The following MAGI3 variants were observed in gnomAD, a reference collection of about 807,000 sequenced individuals.
MAGI3 encodes the protein membrane-associated guanylate kinase, WW and PDZ domain-containing protein 3.
Under a neutral mutation model 121.8 loss-of-function variants are expected in MAGI3, and 43 were observed. The observed-to-expected ratio is 0.35, with a 90% CI of 0.28 to 0.46. The LOEUF (loss-of-function observed/expected upper bound fraction) is 0.46, where lower values mean the gene tolerates loss of function less well. Ranked by LOEUF, MAGI3 falls within the 20% of genes least tolerant of loss-of-function variation. The pLI, the probability that MAGI3 is intolerant of heterozygous loss-of-function variation, is 1.00. For synonymous variants in MAGI3, 553 were observed against 639.3 expected (o/e 0.86, Z 2.04); for missense variants, 1,547 against 1,797.3 (o/e 0.86, Z 2.52).
chr1:113,455,757 T>G (rs183627744), intron 1 of MAGI3, among the ~76,000 whole-genome samples: 4 of 152,310 alleles, frequency 2.6e-5, no homozygotes, highest in Non-Finnish European at 5.9e-5. Flanking sequence ...ATACTTTGTT[T>G]TCATACTTAA....
At chr1:113,641,117 TGA>T (rs1254539391) in intron 9 of MAGI3, among the ~76,000 whole-genome samples, 5 of 87,748 alleles carry the variant, frequency 5.7e-5, no homozygotes, top group Admixed American at 2.7e-4. Flanking sequence ...TAAATATATA[TGA>T]GATATATATT....
chr1:113,462,029 A>G (rs1655061248), intron 1 of MAGI3, among the ~76,000 whole-genome samples: 1 of 152,162 alleles, frequency 6.6e-6, no homozygotes, highest in Admixed American at 6.5e-5. Flanking sequence ...ACCATCTCAT[A>G]CCAGTCAGAA....
At chr1:113,484,933 C>T (rs939635172) in intron 1 of MAGI3, among the ~76,000 whole-genome samples, 2 of 151,510 alleles carry the variant, frequency 1.3e-5, no homozygotes, top group Non-Finnish European at 2.9e-5. Context: ...GGGGTTTCAC[C>T]ATGTTGGCCA....
At chr1:113,517,532 A>G (rs540517973) in intron 1 of MAGI3, among the ~76,000 whole-genome samples, 6 of 152,166 alleles carry the variant, frequency 3.9e-5, no homozygotes, top group African/African-American at 9.6e-5. Context: ...TGCAAAGTAC[A>G]TATTTACTTA....
intron 1 of MAGI3, among the ~76,000 whole-genome samples, chr1:113,487,543 T>A (rs986445301): frequency 3.3e-5 from 5 of 152,130 alleles, no homozygotes; most frequent in African/African-American, 1.2e-4. Context: ...GGCATAAATG[T>A]ATTAATAAGC....
intron 4 of MAGI3, among the ~76,000 whole-genome samples, chr1:113,587,151 T>C (rs767777141): frequency 2.0e-4 from 30 of 152,120 alleles, no homozygotes; most frequent in Non-Finnish European, 4.0e-4. Context: ...CTAATCAAAG[T>C]TGGGGAAATA....
At chr1:113,600,345 C>G (rs1649289688) in intron 6 of MAGI3, among the ~76,000 whole-genome samples, 1 of 151,954 alleles carries the variant, frequency 6.6e-6, no homozygotes, top group Non-Finnish European at 1.5e-5. Flanking sequence ...CCCAAAATCT[C>G]CTTAAGCTGA....
intron 1 of MAGI3, among the ~76,000 whole-genome samples, chr1:113,539,122 T>A (rs1220175100): frequency 6.6e-6 from 1 of 152,142 alleles, no homozygotes; most frequent in Non-Finnish European, 1.5e-5. Flanking sequence ...AGGCCGGATG[T>A]GGTGGCTCAC....
chr1:113,470,987 A>T (rs1399300664), intron 1 of MAGI3, among the ~76,000 whole-genome samples: 1 of 152,160 alleles, frequency 6.6e-6, no homozygotes, highest in Non-Finnish European at 1.5e-5. Flanking sequence ...CAAAAAACTC[A>T]TTGCCCAGAC....
At chr1:113,524,397 A>C (rs533829374) in intron 1 of MAGI3, among the ~76,000 whole-genome samples, 51 of 152,194 alleles carry the variant, frequency 3.4e-4, no homozygotes, top group Non-Finnish European at 5.7e-4. Context: ...GCCCATGAAA[A>C]CAGCCAGGAA....
chr1:113,683,194 T>C lies in MAGI3; in HGVS notation c.3626T>C (p.Leu1209Ser). 1 of 1,613,766 alleles carries C rather than the reference T, an allele frequency of 6.2e-7. No homozygotes were observed. Among genetic ancestry groups the C allele is most frequent in the Non-Finnish European group, 8.5e-7 (1 of 1,179,856 alleles). ...GGGCACAGTAACAAGAAAAATCTAT[T>C]AAAAGTAGAAAATGGTGTTACACGA... is the stretch of plus-strand genomic sequence containing the variant. ...SHGHSNKKNLLKVENGVTRRG... is the reference protein window; with the variant it reads ...SHGHSNKKNLSKVENGVTRRG... Residue 1209 changes from leucine to serine, a missense_variant, in exon 21 of 21, where the codon TTA (leucine) becomes TCA (serine). Transcript: ENST00000307546.
intron 9 of MAGI3, among the ~76,000 whole-genome samples, chr1:113,623,549 G>A (rs1351170969): frequency 6.0e-5 from 9 of 150,506 alleles, no homozygotes; most frequent in Admixed American, 6.0e-4. Flanking sequence ...GTGCAGTGGC[G>A]CGATCTCGGC....
In MAGI3 at chr1:113,685,456, G is replaced by C. The variant is rs1248921477; in HGVS notation, c.*1442G>C. 6.6e-6 allele frequency: 1 copy of C among 152,356 alleles called. No homozygotes were observed. The highest frequency in any genetic ancestry group is 1.5e-5 in the Non-Finnish European group (1 of 68,054). The allele number at this position is 152,356 out of a possible 1,614,324, so 9.4% of individuals were successfully genotyped here. ...GGTCCTTCCCTCTGGGAGTCTGACT[G>C]TGAAACTCTTTAACCCAACAACTCA... On this transcript the variant is annotated 3_prime_UTR_variant, in exon 21 of 21. Transcript: ENST00000307546.
At chr1:113,568,486 G>C (rs573817508) in intron 2 of MAGI3, among the ~76,000 whole-genome samples, 23 of 152,108 alleles carry the variant, frequency 1.5e-4, no homozygotes, top group Middle Eastern at 6.8e-3. Context: ...CTGTTTATCT[G>C]ATTCTAGAAT....
chr1:113,594,451 C>G (rs1000761906), intron 5 of MAGI3, 30 bp from the exon 6 acceptor site: 1 of 1,536,108 alleles, frequency 6.5e-7, no homozygotes. Flanking sequence ...CTTTATTTTA[C>G]TGTTTCTAAT....
chr1:113,439,871 T>G (rs1034301205), intron 1 of MAGI3, among the ~76,000 whole-genome samples: 1 of 151,998 alleles, frequency 6.6e-6, no homozygotes, highest in Non-Finnish European at 1.5e-5. Context: ...TATTAAATAC[T>G]AGAGCCAGGA....
At position 113,683,534 on chromosome 1, in the gene MAGI3, T is replaced by A; in HGVS notation, c.3966T>A (p.Ser1322Arg). The A allele has an allele frequency of 6.2e-7, 1 of 1,613,862 alleles. No homozygotes were observed. Among genetic ancestry groups the A allele is most frequent in the Non-Finnish European group, 8.5e-7 (1 of 1,179,882 alleles). Residue 1322 changes from serine to arginine, a missense_variant, in exon 21 of 21, where the codon AGT becomes AGA. By Grantham distance (110) the Ser-to-Arg change is moderately radical. Coordinates refer to ENST00000307546, the MANE Select transcript of MAGI3 (RefSeq NM_001142782.2). ...GAAGAATAGCAGGCTATACGGGCAG[T>A]AATGCTGAGCAGATCCCAGATGGGA... Reference protein sequence around the residue: ...KSRRIAGYTGSNAEQIPDGKE... With the variant: ...KSRRIAGYTGRNAEQIPDGKE...
Position 113,542,161 on chromosome 1 carries a change from G to A in MAGI3, c.317-7354G>A, listed in dbSNP as rs1456043168. 2.6e-5 allele frequency among the ~76,000 whole-genome samples: 4 copies of A among 152,104 alleles called. No homozygotes were observed. The East Asian group carries it at 5.8e-4, about 22-fold the overall frequency. On this transcript the variant is annotated intron_variant, in intron 1 of 20. Coordinates refer to ENST00000307546, the MANE Select transcript of MAGI3 (RefSeq NM_001142782.2). ...GTCCCAAGACCCCCCAGTGGATGCC[G>A]GAAACCATGGATTGTACCAGATCCT...
intron 2 of MAGI3, among the ~76,000 whole-genome samples, chr1:113,550,786 A>G (rs192862291): frequency 2.0e-5 from 3 of 150,804 alleles, no homozygotes. Context: ...AACGAAAAAA[A>G]ATATATATAT....
Sources: gnomAD v4.1 joint callset for allele counts (sites outside exome capture counted in the v4.1 genomes callset) on GRCh38, gnomAD v4.1.1 for gene constraint, MANE v1.5 for transcripts, NCBI Gene and HGNC (gene_info 2026-07-23, HGNC 2026-07-21) for gene names.